The following HERC2 variants were observed in gnomAD, a reference collection of about 807,000 sequenced individuals.
The protein encoded by HERC2 is E3 ubiquitin-protein ligase HERC2.
HERC2 carries 102 observed loss-of-function variants against 537.7 expected under a neutral mutation model. The ratio of observed to expected loss-of-function variants is 0.19; its 90% CI spans 0.16 to 0.22. The LOEUF (loss-of-function observed/expected upper bound fraction) is 0.22. Ranked by LOEUF, HERC2 falls within the 10% of genes least tolerant of loss-of-function variation. The pLI is 1.00. For synonymous variants in HERC2, 2,224 were observed against 2,466.2 expected (o/e 0.90, Z 2.91); for missense variants, 4,236 against 6,198.2 (o/e 0.68, Z 10.63).
rs2075626792 is a variant in HERC2 at position 28,268,353 on chromosome 15, T to A, written c.1598+112A>T. On this transcript the variant is annotated intron_variant, in intron 12 of 92. Transcript: ENST00000261609. The surrounding 1 kb of genome is among the most constrained non-coding windows in gnomAD (Gnocchi z 4.7). ...GTAGTGTCCTGCTCCATCCCAGCGC[T>A]ACATGTCAGGGCAATTGGAAAACAC... 2 of 980,750 alleles carry A rather than the reference T, an allele frequency of 2.0e-6. No individual in the cohort carries two copies. Among genetic ancestry groups the A allele is most frequent in the South Asian group, 3.2e-5 (2 of 61,988 alleles). 60.8% of individuals were successfully genotyped at this position (980,750 alleles called of 1,614,324 possible). A position where few individuals can be genotyped will look rare whatever the true frequency, so the allele number is the denominator to read the frequency against.
At chr15:28,155,683 T>C (rs761694022) in intron 69 of HERC2, among the ~76,000 whole-genome samples, 2 of 152,010 alleles carry the variant, frequency 1.3e-5, no homozygotes, top group Non-Finnish European at 2.9e-5. Context: ...GATGAGTAGA[T>C]TGCAAAAATT....
In HERC2 at chr15:28,270,834, A is replaced by C. The variant is rs1391555095; in HGVS notation, c.1118T>G (p.Phe373Cys). ...TTGTGGAAGGGTGAGGTACCTCAGGAAACTCTCATTGGGGCTCAGAGGGCC... is the reference window on the plus strand; with the variant it reads ...TTGTGGAAGGGTGAGGTACCTCAGGCAACTCTCATTGGGGCTCAGAGGGCC... ...LSGPLSPNES[F>C]LRYLTLPQDN... Residue 373 changes from phenylalanine (F) to cysteine (C), a missense_variant, in exon 10 of 93, where the codon TTC becomes TGC. Phe to Cys is a radical substitution (Grantham distance 205). This residue lies in a region of HERC2 where 491 missense variants were observed against 559.3 expected (regional missense o/e 0.88). Transcript: ENST00000261609. The C allele has an allele frequency of 2.5e-6, 4 of 1,613,926 alleles. 1 individual carries two copies. The South Asian group carries it at 4.4e-5, about 18-fold the overall frequency.
intron 52 of HERC2, among the ~76,000 whole-genome samples, chr15:28,195,235 A>G (rs952420210): frequency 1.3e-5 from 2 of 152,166 alleles, no homozygotes; most frequent in African/African-American, 2.4e-5. Context: ...CTAAAAATGT[A>G]TATAACATAT....
At chr15:28,213,669 T>C in intron 42 of HERC2, 73 bp downstream of exon 42, 2 of 1,608,016 alleles carry the variant, frequency 1.2e-6, no homozygotes, top group East Asian at 2.2e-5. Flanking sequence ...TTTCAAGTGC[T>C]GATGCTGGTG....
At position 28,217,458 on chromosome 15, in the gene HERC2, CACT is replaced by C. The variant is rs763213899; in HGVS notation, c.6028+1028_6028+1030del. ...AATATGTGCGGACGCTCCAGCACAC[CACT>C]AATACACGCATGCTCTCACACACAC... On this transcript the variant is annotated intron_variant, in intron 38 of 92. Coordinates refer to ENST00000261609, the MANE Select transcript of HERC2 (RefSeq NM_004667.6). 9.8e-5 allele frequency among the ~76,000 whole-genome samples: 15 copies of C among 152,290 alleles called. No individual in the cohort carries two copies. The South Asian group carries it at 1.2e-3, about 13-fold the overall frequency.
At chr15:28,218,762 C>A in intron 37 of HERC2, 91 bp from the exon 38 acceptor site, 1 of 1,140,426 alleles carries the variant, frequency 8.8e-7, no homozygotes, top group Non-Finnish European at 1.3e-6. Context: ...ATATTACATT[C>A]TTGTTTTATT....
At chr15:28,231,320 T>C in intron 30 of HERC2, among the ~76,000 whole-genome samples, 1 of 152,146 alleles carries the variant, frequency 6.6e-6, no homozygotes, top group Admixed American at 6.5e-5. Context: ...TCTGAGCCCT[T>C]GGAACATCCT....
chr15:28,270,276 G>T (rs532248715), intron 10 of HERC2, among the ~76,000 whole-genome samples: 1 of 151,354 alleles, frequency 6.6e-6, no homozygotes, highest in Admixed American at 6.6e-5. Context: ...TAGACAGACA[G>T]ACAGACATGT....
chr15:28,318,172 T>C (rs1284229921), intron 2 of HERC2, among the ~76,000 whole-genome samples: 1 of 152,176 alleles, frequency 6.6e-6, no homozygotes, highest in Non-Finnish European at 1.5e-5. Context: ...ACTGACGTTT[T>C]GGTTTGCTAA....
At chr15:28,315,558 G>A (rs1292688308) in intron 2 of HERC2, 3 of 440,468 alleles carry the variant, frequency 6.8e-6, no homozygotes, top group East Asian at 3.7e-5. Context: ...ACTTTGGGAG[G>A]CCAAGGCAGG....
chr15:28,252,072 T>C (rs1208151554), intron 20 of HERC2, among the ~76,000 whole-genome samples: 2 of 152,162 alleles, frequency 1.3e-5, no homozygotes, highest in Admixed American at 1.3e-4. Flanking sequence ...ATTCTAAACA[T>C]ACTTAAGTGC....
At chr15:28,260,696 G>A (rs1201115369) in intron 16 of HERC2, 81 bp downstream of exon 16, 14 of 1,128,570 alleles carry the variant, frequency 1.2e-5, no homozygotes, top group Non-Finnish European at 1.8e-5. Context: ...ACAAAACTCA[G>A]TGGTATTTTC....
chr15:28,245,549 A>C, intron 23 of HERC2, among the ~76,000 whole-genome samples: 1 of 94,690 alleles, frequency 1.1e-5, no homozygotes, highest in Admixed American at 9.7e-5. Context: ...GTAGTGTCAA[A>C]AAAAAAAAAA....
At chr15:28,206,630 A>G (rs143333992) in intron 44 of HERC2, among the ~76,000 whole-genome samples, 5,618 of 151,052 alleles carry the variant, frequency 0.037, 348 homozygotes, top group African/African-American at 0.13. Flanking sequence ...TCAGGATATC[A>G]AGACCATCCT....
intron 78 of HERC2, among the ~76,000 whole-genome samples, chr15:28,138,513 C>G (rs1367754208): frequency 6.6e-6 from 1 of 151,946 alleles, no homozygotes; most frequent in Non-Finnish European, 1.5e-5. Flanking sequence ...TAGAACAAAA[C>G]CTGGAAGTCA....
At position 28,111,695 on chromosome 15, in the gene HERC2, A is replaced by G. The variant is rs917502017; in HGVS notation, c.*68T>C. On this transcript the variant is annotated 3_prime_UTR_variant, in exon 93 of 93. Coordinates refer to ENST00000261609, the MANE Select transcript of HERC2 (RefSeq NM_004667.6). ...TCATCAGACACACCAGGCAGCCTACAGTCTACACAGCAGCGAGCGCTCTGC... is the reference window on the plus strand; with the variant it reads ...TCATCAGACACACCAGGCAGCCTACGGTCTACACAGCAGCGAGCGCTCTGC... 9 of 1,530,942 alleles carry G rather than the reference A, an allele frequency of 5.9e-6. No individual in the cohort carries two copies. In the African/African-American group the frequency reaches 9.6e-5, roughly 16 times the overall value. 94.8% of individuals were successfully genotyped at this position (1,530,942 alleles called of 1,614,324 possible).
chr15:28,238,040 C>T lies in HERC2; in HGVS notation c.3852+74G>A, dbSNP rs529312329. On this transcript the variant is annotated intron_variant, in intron 25 of 92. Transcript: ENST00000261609. ...ACCCAGATATCAGTACTTCTAGATCCAAATATTCCTATCACAAACACACAG... is the reference window on the plus strand; with the variant it reads ...ACCCAGATATCAGTACTTCTAGATCTAAATATTCCTATCACAAACACACAG... 5.1e-3 allele frequency: 4,703 copies of T among 921,762 alleles called. 15 individuals are homozygous for T. The highest frequency in any genetic ancestry group is 7.9e-3 in the Admixed American group (469 of 59,170). 57.1% of individuals were successfully genotyped at this position (921,762 alleles called of 1,614,324 possible).
At chr15:28,123,427 A>G (rs1264901290) in intron 85 of HERC2, among the ~76,000 whole-genome samples, 1 of 152,198 alleles carries the variant, frequency 6.6e-6, no homozygotes, top group Non-Finnish European at 1.5e-5. Flanking sequence ...CATCTTGTCA[A>G]GCTGCTTGCC....
intron 69 of HERC2, among the ~76,000 whole-genome samples, chr15:28,160,701 C>A (rs1184816182): frequency 2.6e-5 from 4 of 152,208 alleles, no homozygotes; most frequent in Non-Finnish European, 4.4e-5. Flanking sequence ...GATGCCTCGC[C>A]CTGCTTCAGC....
Sources: allele counts gnomAD v4.1 joint callset (sites outside exome capture counted in the v4.1 genomes callset), GRCh38; gene constraint gnomAD v4.1.1; regional missense constraint gnomAD v4.1.1; non-coding constraint Gnocchi (gnomAD v3.1); transcripts MANE v1.5; gene names NCBI Gene and HGNC (gene_info 2026-07-23, HGNC 2026-07-21).